Variants in SRRM1 observed in about 807,000 individuals in gnomAD.
SRRM1 encodes the protein serine/arginine repetitive matrix protein 1.
In SRRM1, 19 loss-of-function variants were observed where a neutral mutation model predicts 110.2. The observed-to-expected ratio is 0.17, with a 90% CI of 0.12 to 0.25. The LOEUF is 0.25. Ranked by LOEUF, SRRM1 falls within the 10% of genes least tolerant of loss-of-function variation. The probability of loss-of-function intolerance (pLI) is 1.00; values close to 1 mark genes in which losing one functional copy is unlikely to be tolerated. For missense variants in SRRM1, 918 were observed against 1,145.8 expected (o/e 0.80, Z 2.87); for synonymous variants, 443 against 414.9 (o/e 1.07, Z -0.82).
rs779351758 is a variant in SRRM1 at position 24,669,284 on chromosome 1, G to A, written c.1901G>A (p.Arg634Gln). 1.4e-5 allele frequency: 23 copies of A among 1,613,858 alleles called. No individual in the cohort carries two copies. The highest frequency in any genetic ancestry group is 2.2e-5 in the East Asian group (1 of 44,878). ...RASPSPPPKR[R>Q]VSHSPPPKQR... ...TCACCATCTCCACCACCAAAGCGGCGGGTCTCCCATTCTCCACCTCCCAAA... is the reference window on the plus strand; with the variant it reads ...TCACCATCTCCACCACCAAAGCGGCAGGTCTCCCATTCTCCACCTCCCAAA... The change falls in exon 14 of 17, where the codon CGG (arginine) becomes CAG (glutamine). Residue 634 changes from arginine to glutamine, a missense_variant. Transcript: ENST00000323848.
At chr1:24,644,219 A>C (rs538452183) in intron 1 of SRRM1, among the ~76,000 whole-genome samples, 1 of 152,090 alleles carries the variant, frequency 6.6e-6, no homozygotes, top group South Asian at 2.1e-4. Flanking sequence ...CGGGGCCCAC[A>C]CTTTATCAGG....
rs369254541 is a variant in SRRM1 at position 24,651,591 on chromosome 1, T to A, written c.704T>A (p.Val235Glu). 1 of 1,611,324 alleles carries A rather than the reference T, an allele frequency of 6.2e-7. No individual in the cohort carries two copies. Among genetic ancestry groups the A allele is most frequent in the Non-Finnish European group, 8.5e-7 (1 of 1,179,312 alleles). ...EPSVKVKEPS[V>E]QEATSTSDIL... is the part of the protein sequence containing the mutation. ...TCAGTGAAAGTAAAAGAACCTTCAG[T>A]ACAAGAGGCTACTTCTACTAGGCAA... The change falls in exon 6 of 17, where the codon GTA (valine) becomes GAA (glutamate). Residue 235 changes from valine (V) to glutamate (E), a missense_variant. By Grantham distance (121) the Val-to-Glu change is moderately radical. This residue lies in a region of SRRM1 where 456 missense variants were observed against 453.5 expected (regional missense o/e 1.01). Transcript: ENST00000323848.
chr1:24,666,193 G>A (rs1225347235), intron 12 of SRRM1, among the ~76,000 whole-genome samples: 22 of 152,110 alleles, frequency 1.4e-4, no homozygotes, highest in Admixed American at 1.4e-3. Flanking sequence ...TGCTGTTGCC[G>A]AACTTTTTCA....
intron 11 of SRRM1, 27 bp from the exon 12 acceptor site, chr1:24,662,633 A>G: frequency 1.2e-6 from 2 of 1,607,346 alleles, no homozygotes; most frequent in South Asian, 1.1e-5. Flanking sequence ...AACCTAATGT[A>G]ATATTTTTTT....
intron 4 of SRRM1, among the ~76,000 whole-genome samples, chr1:24,649,436 A>G (rs1401749314): frequency 6.6e-6 from 1 of 152,238 alleles, no homozygotes; most frequent in Non-Finnish European, 1.5e-5. Flanking sequence ...CTCATGCCTC[A>G]GTCTCCTGAG....
intron 12 of SRRM1, chr1:24,663,141 T>C: frequency 6.7e-7 from 1 of 1,483,274 alleles, no homozygotes; most frequent in Non-Finnish European, 9.1e-7. Context: ...AATAATTTAG[T>C]GAATGGAATT....
intron 15 of SRRM1, 50 bp downstream of exon 15, chr1:24,670,365 C>G: frequency 6.8e-7 from 1 of 1,474,960 alleles, no homozygotes. Flanking sequence ...TGTATATGGT[C>G]ACTTTGAAGC....
At chr1:24,654,229 A>C in intron 8 of SRRM1, 1 of 1,148,184 alleles carries the variant, frequency 8.7e-7, no homozygotes, top group South Asian at 1.3e-5. Flanking sequence ...TTTAGCAGTC[A>C]ATATTTTACA....
chr1:24,651,620 T>C lies in SRRM1; in HGVS notation c.725+8T>C, dbSNP rs764105429. On this transcript the variant is annotated splice_region_variant and intron_variant, in intron 6 of 16. Coordinates refer to ENST00000323848, the MANE Select transcript of SRRM1 (RefSeq NM_005839.4). ...AGAGGCTACTTCTACTAGGCAAGTA[T>C]ATAAAAATTCATTTATAAATAATCA... 2 of 1,582,880 alleles carry C rather than the reference T, an allele frequency of 1.3e-6. No homozygotes were observed. Among genetic ancestry groups the C allele is most frequent in the East Asian group, 4.5e-5 (2 of 44,652 alleles).
chr1:24,646,611 G>C (rs940047334), intron 2 of SRRM1, 56 bp from the exon 3 acceptor site: 160 of 1,485,768 alleles, frequency 1.1e-4, no homozygotes, highest in Non-Finnish European at 1.4e-4. Context: ...ACTCTAACTT[G>C]AGCATTTTTT....
intron 6 of SRRM1, among the ~76,000 whole-genome samples, chr1:24,652,034 A>ATATATATATATATG: frequency 9.8e-6 from 1 of 101,544 alleles, no homozygotes; most frequent in Non-Finnish European, 1.8e-5. Context: ...CTAAAAATAT[A>ATATATATATATATG]TATATATATA....
intron 9 of SRRM1, 86 bp downstream of exon 9, chr1:24,655,215 G>A: frequency 7.2e-7 from 1 of 1,381,654 alleles, no homozygotes; most frequent in Non-Finnish European, 1.0e-6. Context: ...CACTCTCAAA[G>A]TATGAAATAG....
chr1:24,669,089 A>G, intron 13 of SRRM1, 34 bp from the exon 14 acceptor site: 1 of 1,569,350 alleles, frequency 6.4e-7, no homozygotes, highest in East Asian at 2.3e-5. Context: ...TATTTTGTTG[A>G]GCCTTTCAGC....
At chr1:24,667,965 CTTTTTTTTTTT>C (rs1038405035) in intron 13 of SRRM1, among the ~76,000 whole-genome samples, 31 of 68,530 alleles carry the variant, frequency 4.5e-4, no homozygotes, top group African/African-American at 1.7e-3. Flanking sequence ...TGCTGCCACT[CTTTTTTTTTTT>C]TTTTTTTTTT....
At chr1:24,663,457 T>C (rs1668257912) in intron 12 of SRRM1, among the ~76,000 whole-genome samples, 1 of 152,312 alleles carries the variant, frequency 6.6e-6, no homozygotes, top group Middle Eastern at 3.4e-3. Flanking sequence ...AGATTTTTAA[T>C]ATCTGGTTGT....
intron 1 of SRRM1, among the ~76,000 whole-genome samples, chr1:24,644,164 C>A (rs1381113885): frequency 6.6e-6 from 1 of 152,134 alleles, no homozygotes; most frequent in Admixed American, 6.5e-5. Context: ...GCGTCGTCTG[C>A]CCATCGCCTG....
chr1:24,670,123 T>C lies in SRRM1; in HGVS notation c.2208T>C (p.Ala736=). ...RTPEPKKIKK[A]ASPSPQSVRR... ...ATGTTTTTTCCTTTTTGTCTAGGGC[T>C]GCTTCCCCAAGCCCACAGTCTGTAA... is the stretch of plus-strand genomic sequence containing the variant. Residue 736 remains alanine, a synonymous_variant, in exon 15 of 17, where the codon GCT becomes GCC. Transcript: ENST00000323848. 1 of 1,568,908 alleles carries C rather than the reference T, an allele frequency of 6.4e-7. No homozygotes were observed. The highest frequency in any genetic ancestry group is 8.6e-7 in the Non-Finnish European group (1 of 1,161,560).
rs189253915 is a variant in SRRM1, at chr1:24,655,145, A to G, written c.1315+16A>G. On this transcript the variant is annotated intron_variant, in intron 9 of 16. Transcript: ENST00000323848. ...TCAGGTAAAGGTAAAAATCAAACAC[A>G]TATGAAACATGGTCTCTCTTTCTTT... 3.2e-5 allele frequency: 52 copies of G among 1,611,290 alleles called. 1 individual carries two copies. In the African/African-American group the frequency reaches 5.5e-4, roughly 17 times the overall value.
chr1:24,643,489 C>G (rs1488374702), intron 1 of SRRM1, 142 bp downstream of exon 1: 4 of 572,344 alleles, frequency 7.0e-6, no homozygotes, highest in African/African-American at 5.8e-5. Context: ...CGCACCCCCC[C>G]CCCCCCCGTG....
Sources: gnomAD v4.1 joint callset for allele counts (sites outside exome capture counted in the v4.1 genomes callset) on GRCh38, gnomAD v4.1.1 for gene constraint, gnomAD v4.1.1 regional missense constraint, MANE v1.5 for transcripts, NCBI Gene and HGNC (gene_info 2026-07-23, HGNC 2026-07-21) for gene names.